Variants in PLCZ1 observed in about 807,000 individuals in gnomAD.
The protein encoded by PLCZ1 is phospholipase C zeta 1.
A neutral mutation model predicts 76.8 loss-of-function variants in PLCZ1; 64 were observed. The ratio of observed to expected loss-of-function variants is 0.83; its 90% confidence interval spans 0.68 to 1.03. The LOEUF is 1.03. Ranked by LOEUF, PLCZ1 falls within the 50% of genes least tolerant of loss-of-function variation. The probability of loss-of-function intolerance (pLI) is 0.00; values close to 1 mark genes in which losing one functional copy is unlikely to be tolerated. For synonymous variants in PLCZ1, 248 were observed against 230.8 expected (o/e 1.07, Z -0.68); for missense variants, 751 against 713.7 (o/e 1.05, Z -0.60).
the PLCZ1 span, among the ~76,000 whole-genome samples, chr12:18,651,882 G>A: frequency 6.6e-6 from 1 of 152,270 alleles, no homozygotes; most frequent in East Asian, 1.9e-4. Context: ...AAATAGAAGG[G>A]CATGAAGGAG....
Position 18,684,060 on chromosome 12 carries a change from A to AT in PLCZ1, c.1741+69_1741+70insA, listed in dbSNP as rs1244055048. On this transcript the variant is annotated intron_variant, in intron 14 of 14. Transcript: ENST00000266505. ...TATGATAGAGCTATTTGGTATGTCA[A>AT]AATGTGTCTTTGATATACACAAGTT... 4.5e-6 allele frequency: 7 copies of AT among 1,548,014 alleles called. No homozygotes were observed. In the African/African-American group the frequency reaches 9.5e-5, roughly 21 times the overall value.
At chr12:18,710,237 C>G (rs1957133608) in intron 6 of PLCZ1, among the ~76,000 whole-genome samples, 1 of 148,730 alleles carries the variant, frequency 6.7e-6, no homozygotes, top group African/African-American at 2.5e-5. Flanking sequence ...CCTTGCAAGG[C>G]CTTTGAATTT....
At chr12:18,664,231 A>G in the PLCZ1 span, among the ~76,000 whole-genome samples, 1 of 152,212 alleles carries the variant, frequency 6.6e-6, no homozygotes, top group Non-Finnish European at 1.5e-5. Flanking sequence ...TCAAAAACTT[A>G]AACATAGATT....
chr12:18,719,288 A>C (rs917179714), intron 5 of PLCZ1, 143 bp downstream of exon 5: 2 of 448,056 alleles, frequency 4.5e-6, no homozygotes, highest in Non-Finnish European at 7.7e-6. Flanking sequence ...CAAGATATGT[A>C]CAAGTAAAAA....
At chr12:18,661,796 C>T in the PLCZ1 span, among the ~76,000 whole-genome samples, 1 of 151,874 alleles carries the variant, frequency 6.6e-6, no homozygotes, top group Non-Finnish European at 1.5e-5. Context: ...GGATACACAC[C>T]CAAAGGAATA....
intron 5 of PLCZ1, among the ~76,000 whole-genome samples, chr12:18,718,216 A>T (rs1334206900): frequency 1.8e-4 from 28 of 152,152 alleles, no homozygotes; most frequent in Non-Finnish European, 8.8e-5. Flanking sequence ...GTAAGTTGAG[A>T]AGCATCTGTA....
the PLCZ1 span, among the ~76,000 whole-genome samples, chr12:18,647,339 A>T: frequency 6.6e-6 from 1 of 151,884 alleles, no homozygotes; most frequent in African/African-American, 2.4e-5. Context: ...AAAACTACCT[A>T]TTGGGTGCTA....
Position 18,712,816 on chromosome 12 carries a change from A to G in PLCZ1, c.714+26T>C, listed in dbSNP as rs372184151. 6.8e-6 allele frequency: 11 copies of G among 1,609,870 alleles called. No individual in the cohort carries two copies. The African/African-American group carries it at 9.4e-5, about 14-fold the overall frequency. Reference sequence around the variant, plus strand: ...TAGAATTGCTTCTGTTTAAATAGCTACAGTTGAACAAAGATATGTACATAC... The same window carrying G: ...TAGAATTGCTTCTGTTTAAATAGCTGCAGTTGAACAAAGATATGTACATAC... On this transcript the variant is annotated intron_variant, in intron 6 of 14. Coordinates refer to ENST00000266505, the MANE Select transcript of PLCZ1 (RefSeq NM_033123.4).
intron 6 of PLCZ1, among the ~76,000 whole-genome samples, chr12:18,707,820 C>T (rs1362618494): frequency 6.6e-6 from 1 of 152,060 alleles, no homozygotes. Context: ...ATTGAGTCTC[C>T]ACTGCTCAAA....
At position 18,701,833 on chromosome 12, in the gene PLCZ1, A is replaced by G. The variant is rs912432673; in HGVS notation, c.865-57T>C. The G allele has an allele frequency of 3.3e-5, 51 of 1,547,334 alleles. No individual in the cohort carries two copies. The Admixed American group carries it at 6.2e-4, about 19-fold the overall frequency. On this transcript the variant is annotated intron_variant, in intron 7 of 14. Transcript: ENST00000266505. ...CATTTACAAGTAAATTTGCATTGTAACAGTCACTGAAAAGTGTTTCACTAT... is the reference window on the plus strand; with the variant it reads ...CATTTACAAGTAAATTTGCATTGTAGCAGTCACTGAAAAGTGTTTCACTAT...
chr12:18,702,963 G>A (rs1354000632), intron 7 of PLCZ1, among the ~76,000 whole-genome samples: 1 of 151,752 alleles, frequency 6.6e-6, no homozygotes, highest in African/African-American at 2.4e-5. Flanking sequence ...TGGGATTACA[G>A]GGTAACTTTA....
the PLCZ1 span, among the ~76,000 whole-genome samples, chr12:18,650,664 A>ATGTGTGTGTG: frequency 5.6e-5 from 2 of 35,606 alleles, no homozygotes; most frequent in African/African-American, 2.0e-4. Flanking sequence ...TGGAATATAA[A>ATGTGTGTGTG]TGTGTGTGTG....
intron 11 of PLCZ1, 33 bp from the exon 12 acceptor site, chr12:18,695,112 T>C (rs1278212544): frequency 1.3e-6 from 2 of 1,582,794 alleles, no homozygotes; most frequent in Non-Finnish European, 8.7e-7. Flanking sequence ...CATTGTCAGG[T>C]AATAGAGAAT....
At chr12:18,696,018 G>A in intron 11 of PLCZ1, 132 bp downstream of exon 11, 1 of 568,224 alleles carries the variant, frequency 1.8e-6, no homozygotes, top group Non-Finnish European at 3.2e-6. Context: ...CCCACCATTA[G>A]TGCCTGACCC....
Position 18,736,588 on chromosome 12 carries a change from T to C in PLCZ1, c.12-244A>G. 1.2e-5 allele frequency: 15 copies of C among 1,289,296 alleles called. 1 individual carries two copies. The South Asian group carries it at 2.1e-4, about 18-fold the overall frequency. 79.9% of individuals were successfully genotyped at this position (1,289,296 alleles called of 1,614,324 possible). On this transcript the variant is annotated intron_variant, in intron 2 of 14. Coordinates refer to ENST00000266505, the MANE Select transcript of PLCZ1 (RefSeq NM_033123.4). ...AAAAAAAAGAATTAAAGTTAAAATT[T>C]GAGAATTGAAGTCATTACTTAGAAC...
chr12:18,714,239 C>T (rs1443773158), intron 5 of PLCZ1, among the ~76,000 whole-genome samples: 2 of 152,136 alleles, frequency 1.3e-5, no homozygotes, highest in East Asian at 1.9e-4. Flanking sequence ...CAGACACATA[C>T]AAAGAGTTGC....
the PLCZ1 span, among the ~76,000 whole-genome samples, chr12:18,665,509 A>T: frequency 6.6e-6 from 1 of 152,190 alleles, no homozygotes; most frequent in African/African-American, 2.4e-5. Context: ...AACAATAATT[A>T]TGGCCAGGTG....
At chr12:18,705,417 T>G in intron 6 of PLCZ1, 102 bp from the exon 7 acceptor site, 1 of 1,390,978 alleles carries the variant, frequency 7.2e-7, no homozygotes, top group South Asian at 1.2e-5. Context: ...ACTTCTAACG[T>G]TTAGTACCTT....
chr12:18,659,893 T>C, the PLCZ1 span, among the ~76,000 whole-genome samples: 2 of 152,126 alleles, frequency 1.3e-5, no homozygotes, highest in Non-Finnish European at 2.9e-5. Flanking sequence ...TAAGAAATGC[T>C]AAAGGGAGTC....
Sources: gnomAD v4.1 joint callset for allele counts (sites outside exome capture counted in the v4.1 genomes callset) on GRCh38, gnomAD v4.1.1 for gene constraint, MANE v1.5 for transcripts, NCBI Gene and HGNC (gene_info 2026-07-23, HGNC 2026-07-21) for gene names.